Variants in ZBTB10 observed in about 807,000 individuals in gnomAD.
ZBTB10 encodes the protein zinc finger and BTB domain containing 10, also known as zinc finger and BTB domain-containing protein 10.
ZBTB10 carries 32 observed loss-of-function variants against 76.4 expected under a neutral mutation model. The ratio of observed to expected loss-of-function variants is 0.42; its 90% CI spans 0.32 to 0.56. ZBTB10 has a LOEUF of 0.56. Ranked by LOEUF, ZBTB10 falls within the 20% of genes least tolerant of loss-of-function variation. ZBTB10 has a pLI of 0.14. For synonymous variants in ZBTB10, 523 were observed against 432.9 expected (o/e 1.21, Z -2.58); for missense variants, 1,057 against 1,098.5 (o/e 0.96, Z 0.53).
In ZBTB10 at chr8:80,487,004, A is replaced by G. The variant is rs770728385; in HGVS notation, c.194A>G (p.Glu65Gly). 26 of 1,513,116 alleles carry G rather than the reference A, an allele frequency of 1.7e-5. No homozygotes were observed. The highest frequency in any genetic ancestry group is 2.2e-5 in the Non-Finnish European group (25 of 1,136,378). 93.7% of individuals were successfully genotyped at this position (1,513,116 alleles called of 1,614,324 possible). Residue 65 changes from glutamate to glycine, a missense_variant, in exon 1 of 6, where the codon GAG becomes GGG. Glu to Gly is a moderately conservative substitution (Grantham distance 98). Transcript: ENST00000455036. ...LQPPNGRGAD[E>G]EVELEGLEPQ... ...CCGCCTAATGGGCGGGGGGCCGACGAGGAAGTGGAATTGGAGGGCCTGGAG... is the reference window on the plus strand; with the variant it reads ...CCGCCTAATGGGCGGGGGGCCGACGGGGAAGTGGAATTGGAGGGCCTGGAG...
rs1246899152 is a variant in ZBTB10, at chr8:80,519,449, T to C, written c.2537T>C (p.Leu846Pro). 1 of 1,612,410 alleles carries C rather than the reference T, an allele frequency of 6.2e-7. No individual in the cohort carries two copies. Among genetic ancestry groups the C allele is most frequent in the African/African-American group, 1.3e-5 (1 of 74,856 alleles). ...ENEVGEADEE[L>P]VDDGEDQNDP... is the part of the protein sequence containing the mutation. ...GAAGTAGGAGAAGCTGATGAAGAGC[T>C]AGTTGATGATGGAGAAGATCAGAAT... The change falls in exon 6 of 6, where the codon CTA becomes CCA. Residue 846 changes from leucine (L) to proline (P), a missense_variant. By Grantham distance (98) the Leu-to-Pro change is moderately conservative (BLOSUM62 -3). Transcript: ENST00000455036.
rs897993913 is a variant in ZBTB10, at chr8:80,486,419, C to T, written c.-392C>T. ...TGTGTGGAGGATCGGTGTGTGCGCG[C>T]GCGGCTTTAAAGAGGGGGCAGCGGA... On this transcript the variant is annotated 5_prime_UTR_variant, in exon 1 of 6. Transcript: ENST00000455036. The T allele has an allele frequency of 7.1e-6, 7 of 983,692 alleles. No individual in the cohort carries two copies. The highest frequency in any genetic ancestry group is 8.4e-6 in the Non-Finnish European group (7 of 829,614). The allele number at this position is 983,692 out of a possible 1,614,324, so 60.9% of individuals were successfully genotyped here.
At chr8:80,508,844 T>G (rs1243448182) in intron 2 of ZBTB10, among the ~76,000 whole-genome samples, 1 of 152,212 alleles carries the variant, frequency 6.6e-6, no homozygotes, top group Non-Finnish European at 1.5e-5. Flanking sequence ...CTGACTTGTT[T>G]TACAGACTCT....
chr8:80,493,207 G>GCGCGCGCGCGCGCGCGCGCACACA (rs375071529), intron 1 of ZBTB10, among the ~76,000 whole-genome samples: 11 of 125,236 alleles, frequency 8.8e-5, no homozygotes, highest in Non-Finnish European at 1.9e-4. Flanking sequence ...GCGCGCGCGC[G>GCGCGCGCGCGCGCGCGCGCACACA]CACACACACA....
At chr8:80,515,499 C>G (rs1057332236) in intron 3 of ZBTB10, among the ~76,000 whole-genome samples, 1 of 152,144 alleles carries the variant, frequency 6.6e-6, no homozygotes, top group East Asian at 1.9e-4. Flanking sequence ...GCAGTTTGTA[C>G]GTCAGATGTC....
chr8:80,496,852 C>T (rs1166756052), intron 1 of ZBTB10, among the ~76,000 whole-genome samples: 2 of 152,170 alleles, frequency 1.3e-5, no homozygotes, highest in Admixed American at 6.5e-5. Context: ...GTGTTGAAAA[C>T]TTTTGCTTCT....
chr8:80,510,522 T>C (rs1816160908), intron 2 of ZBTB10, among the ~76,000 whole-genome samples: 1 of 152,182 alleles, frequency 6.6e-6, no homozygotes, highest in African/African-American at 2.4e-5. Context: ...GAAAAGACAT[T>C]TTTTTAAAAT....
At chr8:80,519,018 G>C (rs1816396275) in intron 5 of ZBTB10, 64 bp downstream of exon 5, 7 of 1,499,984 alleles carry the variant, frequency 4.7e-6, no homozygotes, top group Non-Finnish European at 5.4e-6. Flanking sequence ...GAAGTTTAAA[G>C]GGATTTAAAC....
In ZBTB10 at chr8:80,499,745, C is replaced by G; in HGVS notation, c.1224C>G (p.His408Gln). The G allele has an allele frequency of 6.2e-7, 1 of 1,614,010 alleles. No homozygotes were observed. Among genetic ancestry groups the G allele is most frequent in the South Asian group, 1.1e-5 (1 of 91,080 alleles). Residue 408 changes from histidine (H) to glutamine (Q), a missense_variant, in exon 2 of 6, where the codon CAC (histidine) becomes CAG (glutamine). This residue lies in a region of ZBTB10 where 86 missense variants were observed against 145.7 expected (regional missense o/e 0.59). Coordinates refer to ENST00000455036, the MANE Select transcript of ZBTB10 (RefSeq NM_001105539.3). Reference sequence around the variant, plus strand: ...GCCCTAACCAAAACAATACTACCCACTTAGATATTGCTGCAGTTCAAGGTT... The same window carrying G: ...GCCCTAACCAAAACAATACTACCCAGTTAGATATTGCTGCAGTTCAAGGTT... ...KESPNQNNTT[H>Q]LDIAAVQGFS...
At chr8:80,499,458 T>C in intron 1 of ZBTB10, 36 bp from the exon 2 acceptor site, 1 of 1,508,524 alleles carries the variant, frequency 6.6e-7, no homozygotes, top group Non-Finnish European at 8.9e-7. Flanking sequence ...AAAAAGTCAA[T>C]AAAGTTTAAT....
chr8:80,519,595 GAACTTGAAGGCTTGC>G lies in ZBTB10; in HGVS notation c.*70_*84del. 1 of 1,460,692 alleles carries G rather than the reference GAACTTGAAGGCTTGC, an allele frequency of 6.8e-7. No homozygotes were observed. The highest frequency in any genetic ancestry group is 2.4e-5 in the East Asian group (1 of 41,158). The allele number at this position is 1,460,692 out of a possible 1,614,324, so 90.5% of individuals were successfully genotyped here. On this transcript the variant is annotated 3_prime_UTR_variant, in exon 6 of 6. Transcript: ENST00000455036. ...ATATGAATCGACAATTTGGATTGTT[GAACTTGAAGGCTTGC>G]AAAATATGGTACATGCTGGATAGTA... is the stretch of plus-strand genomic sequence containing the variant.
intron 2 of ZBTB10, among the ~76,000 whole-genome samples, chr8:80,513,177 G>A (rs1816241951): frequency 6.6e-6 from 1 of 151,404 alleles, no homozygotes; most frequent in Admixed American, 6.6e-5. Context: ...GTCTCACTCT[G>A]TCACCCCAGG....
chr8:80,508,151 AAGCTGAAG>A (rs1816106317), intron 2 of ZBTB10, among the ~76,000 whole-genome samples: 1 of 152,206 alleles, frequency 6.6e-6, no homozygotes, highest in Non-Finnish European at 1.5e-5. Flanking sequence ...GGTCAGAATA[AAGCTGAAG>A]AGCTGAAGAA....
At chr8:80,493,207 G>GCGCGCGCGCGCACA (rs375071529) in intron 1 of ZBTB10, among the ~76,000 whole-genome samples, 106 of 125,274 alleles carry the variant, frequency 8.5e-4, no homozygotes, top group Middle Eastern at 4.3e-3. Flanking sequence ...GCGCGCGCGC[G>GCGCGCGCGCGCACA]CACACACACA....
Position 80,487,554 on chromosome 8 carries a change from C to A in ZBTB10, c.744C>A (p.Cys248Ter). ...AGTCTCTAATGCAGAAGCTCCAATG[C>A]TCCTTCCAGACCTCCTGGCTCAAGG... ...RPKSLMQKLQ[C>*]SFQTSWLKDF... The change falls in exon 1 of 6, where the codon TGC becomes TGA. Residue 248 changes from cysteine (C) to a stop codon, truncating the protein, a stop_gained. Coordinates refer to ENST00000455036, the MANE Select transcript of ZBTB10 (RefSeq NM_001105539.3). LOFTEE classifies it high-confidence loss of function. The A allele has an allele frequency of 1.2e-6, 2 of 1,605,058 alleles. No individual in the cohort carries two copies. The highest frequency in any genetic ancestry group is 1.7e-6 in the Non-Finnish European group (2 of 1,175,648).
At chr8:80,486,011 T>A, upstream of ZBTB10, 1 of 1,085,632 alleles carries the variant, frequency 9.2e-7, no homozygotes, top group Non-Finnish European at 1.3e-6. Context: ...CCCGGCCTTT[T>A]GTCCCCAACC....
Position 80,518,870 on chromosome 8 carries a change from C to G in ZBTB10, c.2226C>G (p.Leu742=). Residue 742 remains leucine (L), a synonymous_variant, in exon 5 of 6, where the codon CTC becomes CTG. Transcript: ENST00000455036. ...GACGAACACTAAAAAGGCACTTGCT[C>G]ATTCACACAGGAGTGAGATCATTTA... ...KYRRTLKRHL[L]IHTGVRSFSC... The G allele has an allele frequency of 6.2e-7, 1 of 1,611,974 alleles. No homozygotes were observed. The highest frequency in any genetic ancestry group is 8.5e-7 in the Non-Finnish European group (1 of 1,178,956).
rs1021022579 is a variant in ZBTB10, at chr8:80,486,862, T to G, written c.52T>G (p.Leu18Val). Reference sequence around the variant, plus strand: ...GACGCTGGCGTTCCGAGGAGGCGGGTTGGTCACCGCTAGCGGCGGCGGCTC... The same window carrying G: ...GACGCTGGCGTTCCGAGGAGGCGGGGTGGTCACCGCTAGCGGCGGCGGCTC... ...RRTLAFRGGGLVTASGGGSTN... is the reference protein window; with the variant it reads ...RRTLAFRGGGVVTASGGGSTN... The change falls in exon 1 of 6, where the codon TTG (leucine) becomes GTG (valine). Residue 18 changes from leucine (L) to valine (V), a missense_variant. Leu to Val is a conservative substitution (Grantham distance 32, BLOSUM62 1). This residue lies in a region of ZBTB10 where 556 missense variants were observed against 451.7 expected (regional missense o/e 1.23). Transcript: ENST00000455036. 2 of 1,505,770 alleles carry G rather than the reference T, an allele frequency of 1.3e-6. No homozygotes were observed. Among genetic ancestry groups the G allele is most frequent in the Non-Finnish European group, 1.8e-6 (2 of 1,129,356 alleles). The allele number at this position is 1,505,770 out of a possible 1,614,324, so 93.3% of individuals were successfully genotyped here.
At position 80,487,015 on chromosome 8, in the gene ZBTB10, T is replaced by C; in HGVS notation, c.205T>C (p.Leu69=). ...NGRGADEEVE[L]EGLEPQDLEA... ...GCGGGGGGCCGACGAGGAAGTGGAA[T>C]TGGAGGGCCTGGAGCCCCAAGACCT... Residue 69 remains leucine (L), a synonymous_variant, in exon 1 of 6, where the codon TTG becomes CTG. Transcript: ENST00000455036. 6.6e-7 allele frequency: 1 copy of C among 1,513,524 alleles called. No homozygotes were observed. Among genetic ancestry groups the C allele is most frequent in the Non-Finnish European group, 8.8e-7 (1 of 1,136,858 alleles). The allele number at this position is 1,513,524 out of a possible 1,614,324, so 93.8% of individuals were successfully genotyped here. A position where few individuals can be genotyped will look rare whatever the true frequency, so the allele number is the denominator to read the frequency against.
Sources: gnomAD v4.1 joint callset for allele counts (sites outside exome capture counted in the v4.1 genomes callset) on GRCh38, gnomAD v4.1.1 for gene constraint, gnomAD v4.1.1 regional missense constraint, MANE v1.5 for transcripts, NCBI Gene and HGNC (gene_info 2026-07-23, HGNC 2026-07-21) for gene names.